The following ATCAY variants were observed in gnomAD, a reference collection of about 807,000 sequenced individuals.
The protein encoded by ATCAY is ATCAY kinesin light chain interacting caytaxin, also known as caytaxin.
Under a neutral mutation model 47.7 loss-of-function variants are expected in ATCAY, and 22 were observed. That is an observed-to-expected ratio of 0.46 (90% confidence interval 0.33 to 0.66). ATCAY has a LOEUF of 0.66. ATCAY is among the 30% of genes least tolerant of loss of function. The pLI is 0.02. For synonymous variants in ATCAY, 216 were observed against 207.6 expected, an observed-to-expected ratio of 1.04 and a Z score of -0.35; for missense variants, 452 against 515.0, an observed-to-expected ratio of 0.88 and a Z score of 1.18.
chr19:3,883,780 T>C (rs143598655), intron 1 of ATCAY, among the ~76,000 whole-genome samples: 24 of 152,310 alleles, frequency 1.6e-4, no homozygotes, highest in African/African-American at 5.8e-4. Flanking sequence ...GCTGGTATGT[T>C]ATGTCCAAAA....
At chr19:3,890,624 C>T (rs2038709411) in intron 2 of ATCAY, among the ~76,000 whole-genome samples, 1 of 152,128 alleles carries the variant, frequency 6.6e-6, no homozygotes, top group African/African-American at 2.4e-5. Flanking sequence ...AAACCAAGGC[C>T]GAGCGCACCT....
At chr19:3,898,178 T>C (rs568525897) in intron 2 of ATCAY, among the ~76,000 whole-genome samples, 2 of 148,438 alleles carry the variant, frequency 1.3e-5, no homozygotes, top group East Asian at 3.9e-4. Context: ...AAACATCTCT[T>C]TTTTTTTTCT....
At chr19:3,886,994 A>G (rs1374641405) in intron 2 of ATCAY, among the ~76,000 whole-genome samples, 1 of 151,726 alleles carries the variant, frequency 6.6e-6, no homozygotes, top group Non-Finnish European at 1.5e-5. Flanking sequence ...TACGCTGAAC[A>G]TTTTGCAGGG....
At chr19:3,924,430 G>C (rs919514276) in intron 12 of ATCAY, among the ~76,000 whole-genome samples, 153 bp from the exon 13 acceptor site, 3 of 152,218 alleles carry the variant, frequency 2.0e-5, no homozygotes, top group African/African-American at 7.2e-5. Context: ...GTGGGTGGCA[G>C]GAGCCGGGCC....
At chr19:3,910,575 C>T (rs1351856316) in intron 7 of ATCAY, among the ~76,000 whole-genome samples, 1 of 152,136 alleles carries the variant, frequency 6.6e-6, no homozygotes, top group African/African-American at 2.4e-5. Flanking sequence ...GGGGTCTCTA[C>T]CTACCTCATC....
chr19:3,914,532 C>G (rs947260189), intron 9 of ATCAY, among the ~76,000 whole-genome samples: 2 of 151,958 alleles, frequency 1.3e-5, no homozygotes, highest in Admixed American at 6.6e-5. Context: ...AGAGACCAGG[C>G]AAGGTGGCTC....
chr19:3,910,980 C>T (rs547727186), intron 8 of ATCAY, 91 bp downstream of exon 8: 34 of 1,311,440 alleles, frequency 2.6e-5, no homozygotes, highest in Admixed American at 2.1e-4. Flanking sequence ...CATGTGTGCA[C>T]GTGTGTGCGT....
At chr19:3,919,145 G>A (rs2038993814) in intron 11 of ATCAY, among the ~76,000 whole-genome samples, 2 of 151,710 alleles carry the variant, frequency 1.3e-5, no homozygotes, top group Non-Finnish European at 2.9e-5. Context: ...GGACATGGTG[G>A]CTCACATCTG....
chr19:3,908,021 G>A (rs534669205), intron 5 of ATCAY, 102 bp downstream of exon 5: 52 of 1,432,652 alleles, frequency 3.6e-5, no homozygotes, highest in Middle Eastern at 1.8e-4. Context: ...ATGTTAAGCC[G>A]TCAACTCGCT....
intron 2 of ATCAY, among the ~76,000 whole-genome samples, chr19:3,901,937 C>T (rs943923095): frequency 2.6e-5 from 4 of 151,742 alleles, no homozygotes; most frequent in Non-Finnish European, 4.4e-5. Context: ...CGGAGGTTGC[C>T]GTGAGCCGAG....
At position 3,907,347 on chromosome 19, in the gene ATCAY, G is replaced by A. The variant is rs1480279786; in HGVS notation, c.359-387G>A. ...TAGTCCCAGGTATCTGGGAGGCTGA[G>A]GCAGGAGGACTGCTCTCTGTGTGCC... is the stretch of plus-strand genomic sequence containing the variant. On this transcript the variant is annotated intron_variant, in intron 4 of 12. Coordinates refer to ENST00000450849, the MANE Select transcript of ATCAY (RefSeq NM_033064.5). This position sits in a 1 kb window ranked among gnomAD's most constrained non-coding sequence, Gnocchi z 5.1. Among the ~76,000 whole-genome samples the A allele has an allele frequency of 2.0e-5, 3 of 152,158 alleles. No homozygotes were observed. Among genetic ancestry groups the A allele is most frequent in the Non-Finnish European group, 2.9e-5 (2 of 68,026 alleles).
At chr19:3,920,581 G>A (rs2039008794) in intron 11 of ATCAY, 185 bp from the exon 12 acceptor site, 4 of 274,936 alleles carry the variant, frequency 1.5e-5, no homozygotes, top group Admixed American at 4.9e-5. Flanking sequence ...GACCTCAAGT[G>A]ATCCACCCAC....
In ATCAY at chr19:3,927,852, C is replaced by T; in HGVS notation, c.*3260C>T. On this transcript the variant is annotated 3_prime_UTR_variant, in exon 13 of 13. Transcript: ENST00000450849. ...TGTGGTTTGGCCAAAATGCAATGGA[C>T]CCCGACCCCTCCTCGTAAAAGGATG... 6.6e-6 allele frequency: 1 copy of T among 152,384 alleles called. No homozygotes were observed. The highest frequency in any genetic ancestry group is 1.5e-5 in the Non-Finnish European group (1 of 68,106). The allele number at this position is 152,384 out of a possible 1,614,324, so 9.4% of individuals were successfully genotyped here.
intron 3 of ATCAY, among the ~76,000 whole-genome samples, chr19:3,903,982 CAAAAAAA>C (rs59631453): frequency 3.7e-4 from 29 of 79,044 alleles, no homozygotes; most frequent in Admixed American, 1.1e-3. Context: ...ACTAAAGATA[CAAAAAAA>C]AAAAAAAAAA....
In ATCAY at chr19:3,885,953, GCCTGGTT is replaced by G. The variant is rs141957025; in HGVS notation, c.77+112_77+118del. Reference sequence around the variant, plus strand: ...TCTAAGTGGGAACCGCCCGGGGCTGGCCTGGTTCCATCTCCGCGTCCTCCTCTCCCGC... The same window carrying G: ...TCTAAGTGGGAACCGCCCGGGGCTGGCCATCTCCGCGTCCTCCTCTCCCGC... On this transcript the variant is annotated intron_variant, in intron 2 of 12. Coordinates refer to ENST00000450849, the MANE Select transcript of ATCAY (RefSeq NM_033064.5). 6.6e-3 allele frequency: 7,345 copies of G among 1,115,818 alleles called. 114 individuals carry two copies. Among genetic ancestry groups the G allele is most frequent in the East Asian group, 0.061 (2,351 of 38,714 alleles). 69.1% of individuals were successfully genotyped at this position (1,115,818 alleles called of 1,614,324 possible). A position where few individuals can be genotyped will look rare whatever the true frequency, so the allele number is the denominator to read the frequency against.
chr19:3,912,182 G>T lies in ATCAY; in HGVS notation c.866+1293G>T, dbSNP rs143355289. Among the ~76,000 whole-genome samples the T allele has an allele frequency of 2.0e-3, 310 of 152,204 alleles. 3 individuals are homozygous for T. Among genetic ancestry groups the T allele is most frequent in the African/African-American group, 6.9e-3 (286 of 41,560 alleles). On this transcript the variant is annotated intron_variant, in intron 8 of 12. Coordinates refer to ENST00000450849, the MANE Select transcript of ATCAY (RefSeq NM_033064.5). ...ACTCTTGCACGAACCCAATAATTCT[G>T]TCACTCTTCACCGGTCGCCATGGCT...
At chr19:3,904,516 C>T (rs967164848) in intron 3 of ATCAY, among the ~76,000 whole-genome samples, 7 of 152,190 alleles carry the variant, frequency 4.6e-5, no homozygotes, top group Admixed American at 2.0e-4. Flanking sequence ...AGGCGTCCCG[C>T]CTGCTGGCCT....
intron 2 of ATCAY, among the ~76,000 whole-genome samples, chr19:3,891,052 C>CTT (rs376828032): frequency 4.9e-5 from 7 of 142,372 alleles, no homozygotes; most frequent in East Asian, 2.0e-4. Flanking sequence ...CCTTCTAGCA[C>CTT]TTTTTTTTTT....
At chr19:3,913,943 A>T in intron 9 of ATCAY, 87 bp downstream of exon 9, 4 of 1,276,392 alleles carry the variant, frequency 3.1e-6, no homozygotes, top group Non-Finnish European at 3.4e-6. Context: ...AATTTACAAA[A>T]GAGGTTTAAG....
Sources: gnomAD v4.1 joint callset for allele counts (sites outside exome capture counted in the v4.1 genomes callset) on GRCh38, gnomAD v4.1.1 for gene constraint, Gnocchi (gnomAD v3.1) non-coding constraint, MANE v1.5 for transcripts, NCBI Gene and HGNC (gene_info 2026-07-23, HGNC 2026-07-21) for gene names.